The following EDA variants were observed in gnomAD, a reference collection of about 807,000 sequenced individuals.
EDA encodes ectodysplasin A.
Under a neutral mutation model 23.6 loss-of-function variants are expected in EDA, and 2 were observed. The observed-to-expected ratio is 0.08, with a 90% CI of 0.03 to 0.27. The LOEUF (loss-of-function observed/expected upper bound fraction) is 0.27. Ranked by LOEUF, EDA falls within the 10% of genes least tolerant of loss-of-function variation. The pLI, the probability that EDA is intolerant of heterozygous loss-of-function variation, is 1.00. For missense variants in EDA, 229 were observed against 324.2 expected, an observed-to-expected ratio of 0.71 and a Z score of 2.26; for synonymous variants, 131 against 132.0, an observed-to-expected ratio of 0.99 and a Z score of 0.05.
intron 1 of EDA, among the ~76,000 whole-genome samples, chrX:69,731,976 A>G (rs973499286): frequency 1.8e-5 from 2 of 111,263 alleles, no homozygotes; most frequent in African/African-American, 6.5e-5. Context: ...TGAAGATTAG[A>G]TGTTGAATTT....
At chrX:69,681,369 G>A (rs1934343035) in intron 1 of EDA, among the ~76,000 whole-genome samples, 1 of 110,317 alleles carries the variant, frequency 9.1e-6, no homozygotes, top group Non-Finnish European at 1.9e-5. Context: ...ACGTTGGCCT[G>A]CTTTGCTAGA....
At chrX:69,797,909 G>T (rs1412950953) in intron 1 of EDA, among the ~76,000 whole-genome samples, 1 of 111,823 alleles carries the variant, frequency 8.9e-6, no homozygotes, top group African/African-American at 3.2e-5. Flanking sequence ...CTAACTATAT[G>T]CTATGTACAA....
chrX:69,854,076 T>C (rs2147582097), intron 1 of EDA, among the ~76,000 whole-genome samples: 1 of 111,512 alleles, frequency 9.0e-6, no homozygotes, highest in African/African-American at 3.3e-5. Context: ...GGGGGTTTAT[T>C]ATATAGATTA....
At chrX:69,929,728 G>GTC in intron 1 of EDA, among the ~76,000 whole-genome samples, 1 of 105,915 alleles carries the variant, frequency 9.4e-6, no homozygotes, top group East Asian at 3.0e-4. Flanking sequence ...GTGTGTGTGT[G>GTC]TGTGTGTGTG....
intron 1 of EDA, among the ~76,000 whole-genome samples, chrX:69,634,141 C>T (rs970406877): frequency 1.8e-5 from 2 of 111,868 alleles, no homozygotes; most frequent in South Asian, 3.7e-4. Flanking sequence ...ACATATTGGC[C>T]GTTTGTATAT....
chrX:69,650,001 A>G (rs1044266294), intron 1 of EDA, among the ~76,000 whole-genome samples: 4 of 111,967 alleles, frequency 3.6e-5, no homozygotes, highest in African/African-American at 1.3e-4. Context: ...TGGCTTAATG[A>G]TTTATTATAC....
intron 1 of EDA, among the ~76,000 whole-genome samples, chrX:69,819,080 A>T (rs1471561257): frequency 8.9e-6 from 1 of 112,521 alleles, no homozygotes; most frequent in Non-Finnish European, 1.9e-5. Context: ...CAAATCAATA[A>T]GTGTCATTCA....
intron 1 of EDA, among the ~76,000 whole-genome samples, chrX:69,825,895 T>C (rs757073441): frequency 9.1e-6 from 1 of 109,960 alleles, no homozygotes; most frequent in South Asian, 4.1e-4. Flanking sequence ...TCTGGTATGT[T>C]GTGTCTTTGT....
intron 1 of EDA, among the ~76,000 whole-genome samples, chrX:69,916,385 T>C (rs1355817555): frequency 5.7e-5 from 6 of 104,391 alleles, no homozygotes; most frequent in African/African-American, 2.1e-4. Context: ...GTAACATTAA[T>C]CTCTACTGTT....
intron 1 of EDA, among the ~76,000 whole-genome samples, chrX:69,924,721 C>A (rs1217980659): frequency 4.5e-5 from 5 of 112,001 alleles, no homozygotes; most frequent in African/African-American, 1.6e-4. Context: ...AACATTGAAT[C>A]TATAAATTAC....
chrX:70,018,085 T>G (rs769901246), intron 2 of EDA, among the ~76,000 whole-genome samples: 4 of 111,239 alleles, frequency 3.6e-5, no homozygotes, highest in Non-Finnish European at 7.5e-5. Context: ...AAAACAAGAA[T>G]GCAGTCCCAT....
chrX:69,763,418 T>C (rs1384599762), intron 1 of EDA, among the ~76,000 whole-genome samples: 1 of 112,027 alleles, frequency 8.9e-6, no homozygotes, highest in Non-Finnish European at 1.9e-5. Flanking sequence ...TGAAAAATGT[T>C]TTCTGAAGGG....
chrX:69,768,040 C>A (rs1186195774), intron 1 of EDA, among the ~76,000 whole-genome samples: 2 of 111,626 alleles, frequency 1.8e-5, no homozygotes, highest in Non-Finnish European at 3.8e-5. Context: ...ATTTTAAGTT[C>A]TTTCTCATCT....
intron 1 of EDA, among the ~76,000 whole-genome samples, chrX:69,848,775 A>G (rs1037847511): frequency 9.0e-6 from 1 of 111,510 alleles, no homozygotes; most frequent in Non-Finnish European, 1.9e-5. Flanking sequence ...AGGAACTGAA[A>G]TTCCAACAAG....
intron 1 of EDA, among the ~76,000 whole-genome samples, chrX:69,860,446 T>C (rs1367558766): frequency 8.9e-6 from 1 of 111,778 alleles, no homozygotes; most frequent in African/African-American, 3.3e-5. Context: ...CCTCAGCATT[T>C]GCTTGTCTGA....
At chrX:69,682,547 G>A (rs1934404656) in intron 1 of EDA, among the ~76,000 whole-genome samples, 1 of 112,301 alleles carries the variant, frequency 8.9e-6, no homozygotes, top group Non-Finnish European at 1.9e-5. Context: ...AAGCCCCTCG[G>A]AAATGCGCAG....
chrX:69,717,054 T>C (rs2012364827), intron 1 of EDA, among the ~76,000 whole-genome samples: 1 of 111,156 alleles, frequency 9.0e-6, no homozygotes, highest in Non-Finnish European at 1.9e-5. Context: ...TGGATGCCCT[T>C]TATTTCTGTC....
At chrX:69,979,889 GTTCAA>G (rs2019379386) in intron 2 of EDA, among the ~76,000 whole-genome samples, 2 of 111,279 alleles carry the variant, frequency 1.8e-5, no homozygotes, top group African/African-American at 6.5e-5. Context: ...TTTTGATAAA[GTTCAA>G]TTCATCTATT....
intron 1 of EDA, among the ~76,000 whole-genome samples, chrX:69,746,808 A>G (rs2013637120): frequency 9.0e-6 from 1 of 111,502 alleles, no homozygotes; most frequent in South Asian, 3.8e-4. Flanking sequence ...GAGAGAAATG[A>G]GTCATATGTT....
Sources: gnomAD v4.1 joint callset for allele counts (sites outside exome capture counted in the v4.1 genomes callset) on GRCh38, gnomAD v4.1.1 for gene constraint, MANE v1.5 for transcripts, NCBI Gene and HGNC (gene_info 2026-07-23, HGNC 2026-07-21) for gene names.